The following PSD3 variants were observed in gnomAD, a reference collection of about 807,000 sequenced individuals.
The protein encoded by PSD3 is pleckstrin and Sec7 domain containing 3, also known as PH and SEC7 domain-containing protein 3.
In PSD3, 49 loss-of-function variants were observed where a neutral mutation model predicts 105.5. The observed-to-expected ratio is 0.46, with a 90% CI of 0.37 to 0.59. The LOEUF (loss-of-function observed/expected upper bound fraction) is 0.59. Among genes scored for constraint, PSD3 ranks in the 20% least tolerant of loss-of-function variants. The pLI, the probability that PSD3 is intolerant of heterozygous loss-of-function variation, is 0.00. For synonymous variants in PSD3, 557 were observed against 457.8 expected (o/e 1.22, Z -2.77); for missense variants, 1,561 against 1,263.8 (o/e 1.24, Z -3.57).
intron 1 of PSD3, among the ~76,000 whole-genome samples, chr8:18,970,526 T>C (rs532175501): frequency 7.2e-4 from 110 of 152,232 alleles, no homozygotes; most frequent in African/African-American, 2.6e-3. Context: ...GTTTCACCTT[T>C]ATACAACTTC....
chr8:19,012,777 C>G lies in PSD3; in HGVS notation c.21+786G>C, dbSNP rs1022800359. Among the ~76,000 whole-genome samples the G allele has an allele frequency of 5.3e-5, 8 of 152,140 alleles. No individual in the cohort carries two copies. In the East Asian group the frequency reaches 5.8e-4, roughly 11 times the overall value. On this transcript the variant is annotated intron_variant, in intron 1 of 15. Transcript: ENST00000327040. ...TTACAGTAATTTTCCAGATCTCCGT[C>G]TTCCCTACACCAACACCTGGACCCA...
intron 11 of PSD3, among the ~76,000 whole-genome samples, chr8:18,612,749 C>T (rs928194474): frequency 2.0e-5 from 3 of 152,132 alleles, no homozygotes; most frequent in Admixed American, 6.5e-5. Context: ...ACATTTACTC[C>T]GATTAATATA....
intron 9 of PSD3, among the ~76,000 whole-genome samples, chr8:18,665,173 T>G (rs1799378509): frequency 6.6e-6 from 1 of 152,224 alleles, no homozygotes; most frequent in South Asian, 2.1e-4. Context: ...TAGATAGCGA[T>G]TCCTCTGATG....
intron 9 of PSD3, among the ~76,000 whole-genome samples, chr8:18,715,127 T>C (rs191957605): frequency 8.5e-5 from 13 of 152,170 alleles, no homozygotes. Context: ...CTGGGCCTTG[T>C]AGGGGGTGGG....
chr8:18,584,055 C>T (rs780074567), intron 12 of PSD3, among the ~76,000 whole-genome samples: 1 of 152,144 alleles, frequency 6.6e-6, no homozygotes, highest in African/African-American at 2.4e-5. Flanking sequence ...AGGATGCCAA[C>T]AGTTCCACAT....
chr8:18,808,733 TA>T (rs1811419052), intron 4 of PSD3: 1 of 1,613,800 alleles, frequency 6.2e-7, no homozygotes, highest in Non-Finnish European at 8.5e-7. Context: ...AGCTTGACAA[TA>T]TGATGGCAAT....
At chr8:18,793,372 G>GAAAAAAAAAAA (rs112335496) in intron 8 of PSD3, among the ~76,000 whole-genome samples, 1 of 125,432 alleles carries the variant, frequency 8.0e-6, no homozygotes, top group Non-Finnish European at 1.6e-5. Context: ...TATCAAAATA[G>GAAAAAAAAAAA]AAAAAAAAAA....
chr8:18,712,118 T>G (rs1035403068), intron 9 of PSD3, among the ~76,000 whole-genome samples: 1 of 152,086 alleles, frequency 6.6e-6, no homozygotes, highest in South Asian at 2.1e-4. Flanking sequence ...GGGACACAGC[T>G]AAAGCAATGT....
chr8:18,752,513 ATATG>A (rs1805602051), intron 9 of PSD3, among the ~76,000 whole-genome samples: 1 of 77,504 alleles, frequency 1.3e-5, no homozygotes, highest in African/African-American at 8.7e-5. Context: ...TATATATAAT[ATATG>A]TAATATATAT....
At chr8:18,663,264 T>C (rs762115659) in intron 9 of PSD3, among the ~76,000 whole-genome samples, 4 of 151,950 alleles carry the variant, frequency 2.6e-5, no homozygotes, top group African/African-American at 4.8e-5. Context: ...CAGCCTTTAC[T>C]AAAAACACAA....
chr8:18,856,753 GA>G (rs1366193965), intron 4 of PSD3, among the ~76,000 whole-genome samples: 3 of 152,154 alleles, frequency 2.0e-5, no homozygotes, highest in Non-Finnish European at 4.4e-5. Context: ...TATTATTACA[GA>G]AAAACAACAT....
chr8:18,958,072 T>C (rs1315096211), intron 1 of PSD3, among the ~76,000 whole-genome samples: 1 of 152,174 alleles, frequency 6.6e-6, no homozygotes, highest in Admixed American at 6.5e-5. Context: ...GGTACAATGA[T>C]GTTCATTTCA....
chr8:18,587,886 T>C (rs1426308400), intron 12 of PSD3, among the ~76,000 whole-genome samples: 1 of 152,168 alleles, frequency 6.6e-6, no homozygotes, highest in African/African-American at 2.4e-5. Flanking sequence ...AACCACCTTG[T>C]AATCATATAA....
chr8:18,963,167 A>G (rs1824026965), intron 1 of PSD3, among the ~76,000 whole-genome samples: 1 of 152,218 alleles, frequency 6.6e-6, no homozygotes, highest in South Asian at 2.1e-4. Context: ...CTTATTCACT[A>G]CTATGACAAC....
chr8:18,921,513 C>T (rs1039699009), intron 2 of PSD3, among the ~76,000 whole-genome samples: 7 of 152,096 alleles, frequency 4.6e-5, no homozygotes, highest in Admixed American at 2.6e-4. Flanking sequence ...CTCATGCTGG[C>T]AGAGGCAGAT....
chr8:19,013,546 C>T lies in PSD3; in HGVS notation c.21+17G>A, dbSNP rs755511072. Reference sequence around the variant, plus strand: ...CGCGTGCGCACCCCGCGCCCGCGCCCCGGCCCCGGAGCTCACCGCTGCGCT... The same window carrying T: ...CGCGTGCGCACCCCGCGCCCGCGCCTCGGCCCCGGAGCTCACCGCTGCGCT... On this transcript the variant is annotated intron_variant, in intron 1 of 15. Transcript: ENST00000327040. The T allele has an allele frequency of 2.5e-6, 4 of 1,571,624 alleles. No homozygotes were observed. Among genetic ancestry groups the T allele is most frequent in the Non-Finnish European group, 3.4e-6 (4 of 1,167,322 alleles).
intron 1 of PSD3, among the ~76,000 whole-genome samples, chr8:18,995,110 T>C (rs527814033): frequency 3.9e-5 from 6 of 152,270 alleles, no homozygotes; most frequent in Non-Finnish European, 8.8e-5. Context: ...CTGAAGAGAT[T>C]TGGCCTTAGC....
intron 15 of PSD3, among the ~76,000 whole-genome samples, chr8:18,544,109 C>G (rs11203967): frequency 1 from 150,219 of 150,294 alleles, 75,072 homozygotes; most frequent in Non-Finnish European, 1. Flanking sequence ...AAGCAATAAT[C>G]TCATGTACAC....
intron 1 of PSD3, among the ~76,000 whole-genome samples, chr8:18,990,709 T>A (rs76667139): frequency 3.9e-5 from 6 of 152,096 alleles, no homozygotes; most frequent in African/African-American, 1.4e-4. Flanking sequence ...ACAGAATATT[T>A]TAAAGTAATT....
Sources: allele counts gnomAD v4.1 joint callset (sites outside exome capture counted in the v4.1 genomes callset), GRCh38; gene constraint gnomAD v4.1.1; transcripts MANE v1.5; gene names NCBI Gene and HGNC (gene_info 2026-07-23, HGNC 2026-07-21).